The following NELL1 variants were observed in gnomAD, a reference collection of about 807,000 sequenced individuals.
NELL1 encodes neural EGFL like 1, also known as protein kinase C-binding protein NELL1.
Under a neutral mutation model 107.4 loss-of-function variants are expected in NELL1, and 76 were observed. That is an observed-to-expected ratio of 0.71 (90% CI 0.59 to 0.86). The LOEUF is 0.86. Among genes scored for constraint, NELL1 ranks in the 40% least tolerant of loss-of-function variants. The pLI is 0.00. For synonymous variants in NELL1, 353 were observed against 341.2 expected, an observed-to-expected ratio of 1.03 and a Z score of -0.38; for missense variants, 1,024 against 1,005.5, an observed-to-expected ratio of 1.02 and a Z score of -0.25.
At chr11:21,461,610 A>G (rs1284596237) in intron 15 of NELL1, among the ~76,000 whole-genome samples, 1 of 152,080 alleles carries the variant, frequency 6.6e-6, no homozygotes, top group East Asian at 1.9e-4. Flanking sequence ...TATAGACTTT[A>G]ACTATAAAAT....
intron 14 of NELL1, among the ~76,000 whole-genome samples, chr11:21,282,478 CAAAAA>C (rs35632941): frequency 1.3e-5 from 1 of 74,470 alleles, no homozygotes; most frequent in East Asian, 4.4e-4. Context: ...GACTCTGTCT[CAAAAA>C]AAAAAAAAAA....
intron 15 of NELL1, among the ~76,000 whole-genome samples, chr11:21,392,150 C>G (rs923628059): frequency 5.3e-5 from 8 of 151,750 alleles, no homozygotes; most frequent in African/African-American, 1.9e-4. Flanking sequence ...ATGTTCTGAC[C>G]TTTGTGGTAC....
intron 3 of NELL1, among the ~76,000 whole-genome samples, chr11:20,843,509 T>G (rs983293604): frequency 1.3e-5 from 2 of 150,208 alleles, no homozygotes; most frequent in Non-Finnish European, 3.0e-5. Flanking sequence ...GCCACCTAAT[T>G]CATCCAGCAA....
Position 20,890,163 on chromosome 11 carries a change from T to C in NELL1, c.603+4623T>C, listed in dbSNP as rs142548302. Among the ~76,000 whole-genome samples, 914 of 152,262 alleles carry C rather than the reference T, an allele frequency of 6.0e-3. 8 individuals carry two copies. Among genetic ancestry groups the C allele is most frequent in the African/African-American group, 0.02 (839 of 41,548 alleles). On this transcript the variant is annotated intron_variant, in intron 5 of 19. Transcript: ENST00000357134. ...AGAAGGAGCAGGAATCCAACTCTGC[T>C]GTTCTCCAGCCTCCTTAAGTGACAT...
intron 4 of NELL1, among the ~76,000 whole-genome samples, chr11:20,850,481 TC>T (rs903357466): frequency 2.0e-5 from 3 of 152,216 alleles, no homozygotes; most frequent in Admixed American, 2.0e-4. Context: ...TATTAGTTTT[TC>T]CTCTTTTTAA....
In NELL1 at chr11:20,898,069, G is replaced by A. The variant is rs553442004; in HGVS notation, c.603+12529G>A. On this transcript the variant is annotated intron_variant, in intron 5 of 19. Coordinates refer to ENST00000357134, the MANE Select transcript of NELL1 (RefSeq NM_006157.5). ...ATTTGACCCAGCCATCCCATTACTG[G>A]GTATATACCCAAAGGATTATAAATC... 2.6e-5 allele frequency among the ~76,000 whole-genome samples: 4 copies of A among 151,938 alleles called. No individual in the cohort carries two copies. The South Asian group carries it at 6.2e-4, about 24-fold the overall frequency.
chr11:20,975,747 T>TG, intron 12 of NELL1, among the ~76,000 whole-genome samples: 1 of 102,762 alleles, frequency 9.7e-6, no homozygotes, highest in Non-Finnish European at 1.9e-5. Context: ...ATGTATTATA[T>TG]AATATACATA....
chr11:20,680,172 A>C (rs1854155294), intron 2 of NELL1, among the ~76,000 whole-genome samples: 1 of 152,158 alleles, frequency 6.6e-6, no homozygotes, highest in Non-Finnish European at 1.5e-5. Flanking sequence ...ACTTAATCAC[A>C]TCTGCAAATC....
chr11:20,807,136 G>T (rs540098191), intron 3 of NELL1, among the ~76,000 whole-genome samples: 1 of 152,048 alleles, frequency 6.6e-6, no homozygotes, highest in Admixed American at 6.5e-5. Flanking sequence ...GGCATTGAAG[G>T]TATTTATTGT....
At chr11:20,696,426 T>G (rs1854619152) in intron 2 of NELL1, among the ~76,000 whole-genome samples, 1 of 152,142 alleles carries the variant, frequency 6.6e-6, no homozygotes, top group Non-Finnish European at 1.5e-5. Context: ...GAGATCTTTC[T>G]AACTTTTTAA....
intron 12 of NELL1, among the ~76,000 whole-genome samples, chr11:21,047,830 T>C (rs896611980): frequency 1.3e-5 from 2 of 152,164 alleles, no homozygotes; most frequent in Admixed American, 1.3e-4. Flanking sequence ...ACATGCAGTC[T>C]AAAAGGTGTA....
intron 11 of NELL1, 88 bp downstream of exon 11, chr11:20,947,523 A>G: frequency 1.1e-6 from 1 of 948,074 alleles, no homozygotes; most frequent in Non-Finnish European, 1.7e-6. Context: ...GTATGATAAT[A>G]ACATGGGTCC....
intron 2 of NELL1, among the ~76,000 whole-genome samples, chr11:20,716,886 G>A (rs532270471): frequency 2.0e-5 from 3 of 151,554 alleles, no homozygotes; most frequent in Admixed American, 6.6e-5. Context: ...TGCCTTATGC[G>A]GTTTACAAAA....
At chr11:21,551,613 C>A (rs1856587471) in intron 16 of NELL1, among the ~76,000 whole-genome samples, 1 of 151,580 alleles carries the variant, frequency 6.6e-6, no homozygotes, top group Non-Finnish European at 1.5e-5. Context: ...GTTAGAATGG[C>A]AATCATTAAA....
intron 19 of NELL1, among the ~76,000 whole-genome samples, chr11:21,574,580 G>A (rs1857179313): frequency 6.6e-6 from 1 of 151,670 alleles, no homozygotes; most frequent in South Asian, 2.1e-4. Flanking sequence ...GATTGTTGGG[G>A]GTACTTTCAA....
At chr11:21,308,984 A>G (rs11026012) in intron 14 of NELL1, among the ~76,000 whole-genome samples, 52,989 of 151,510 alleles carry the variant, frequency 0.35, 11,003 homozygotes, top group Non-Finnish European at 0.48. Context: ...GTTAACTTTC[A>G]GCTAAACCCA....
intron 12 of NELL1, among the ~76,000 whole-genome samples, chr11:20,987,648 G>A (rs955451973): frequency 2.6e-5 from 4 of 152,072 alleles, no homozygotes; most frequent in African/African-American, 9.7e-5. Flanking sequence ...ACCTCCCACC[G>A]GGTCCCTCCC....
At chr11:21,315,185 C>T (rs1346120787) in intron 14 of NELL1, among the ~76,000 whole-genome samples, 1 of 152,128 alleles carries the variant, frequency 6.6e-6, no homozygotes, top group Non-Finnish European at 1.5e-5. Flanking sequence ...CACAAACTGC[C>T]TTAACTATAA....
At chr11:21,270,989 A>T (rs1312280641) in intron 14 of NELL1, among the ~76,000 whole-genome samples, 2 of 152,062 alleles carry the variant, frequency 1.3e-5, no homozygotes, top group African/African-American at 4.8e-5. Context: ...ATAAGATAAA[A>T]TTTTTCAAAA....
Sources: gnomAD v4.1 joint callset for allele counts (sites outside exome capture counted in the v4.1 genomes callset) on GRCh38, gnomAD v4.1.1 for gene constraint, MANE v1.5 for transcripts, NCBI Gene and HGNC (gene_info 2026-07-23, HGNC 2026-07-21) for gene names.